DNAH7: variants seen among roughly 807,000 people sequenced by gnomAD.
The protein encoded by DNAH7 is axonemal beta dynein heavy chain 7.
A neutral mutation model predicts 444.6 loss-of-function variants in DNAH7; 397 were observed. That is an observed-to-expected ratio of 0.89 (90% CI 0.82 to 0.97). DNAH7 has a LOEUF of 0.97. Ranked by LOEUF, DNAH7 falls within the 50% of genes least tolerant of loss-of-function variation. The probability of loss-of-function intolerance (pLI) is 0.00; values close to 1 mark genes in which losing one functional copy is unlikely to be tolerated. For synonymous variants in DNAH7, 1,636 were observed against 1,624.4 expected (o/e 1.01, Z -0.17); for missense variants, 4,902 against 4,800.8 (o/e 1.02, Z -0.62).
intron 47 of DNAH7, among the ~76,000 whole-genome samples, chr2:195,841,139 C>T (rs1284182512): frequency 6.6e-6 from 1 of 151,806 alleles, no homozygotes; most frequent in Non-Finnish European, 1.5e-5. Context: ...TGATTTTCAA[C>T]AAAGACGTAA....
intron 19 of DNAH7, among the ~76,000 whole-genome samples, chr2:195,950,174 A>T (rs543858708): frequency 6.6e-6 from 1 of 152,260 alleles, no homozygotes; most frequent in East Asian, 1.9e-4. Context: ...TTTCAAAAGG[A>T]ATGGTGCCAG....
Position 195,872,292 on chromosome 2 carries a change from T to A in DNAH7, c.6591A>T (p.Thr2197=). 1 of 1,613,938 alleles carries A rather than the reference T, an allele frequency of 6.2e-7. No individual in the cohort carries two copies. The highest frequency in any genetic ancestry group is 8.5e-7 in the Non-Finnish European group (1 of 1,179,918). ...GTTTAATCACTTCTGTGGTTTCTGT[T>A]GTTTCTGGTCTTGACAAACAAACAC... is the stretch of plus-strand genomic sequence containing the variant. The part of the protein sequence containing the change: ...IQGVCLSRPE[T]TETTEVIKRL... Residue 2197 remains threonine, a synonymous_variant, in exon 40 of 65, where the codon ACA becomes ACT. Transcript: ENST00000312428.
In DNAH7 at chr2:195,864,622, T is replaced by A; in HGVS notation, c.7033A>T (p.Ser2345Cys). Residue 2345 changes from serine (S) to cysteine (C), a missense_variant, in exon 41 of 65, where the codon AGT (serine) becomes TGT (cysteine). By Grantham distance (112) the Ser-to-Cys change is moderately radical. Coordinates refer to ENST00000312428, the MANE Select transcript of DNAH7 (RefSeq NM_018897.3). Reference sequence around the variant, plus strand: ...AATCTGGTGACAGACTGCCTTCCACTCCCTCCAACCCCTACTAGGAGAGCA... The same window carrying A: ...AATCTGGTGACAGACTGCCTTCCACACCCTCCAACCCCTACTAGGAGAGCA... The part of the protein sequence containing the change: ...SHALLVGVGG[S>C]GRQSVTRLAA... The A allele has an allele frequency of 1.9e-6, 3 of 1,614,152 alleles. No individual in the cohort carries two copies. The highest frequency in any genetic ancestry group is 2.5e-6 in the Non-Finnish European group (3 of 1,180,026).
intron 61 of DNAH7, among the ~76,000 whole-genome samples, chr2:195,757,224 A>G (rs1305072934): frequency 6.6e-6 from 1 of 152,228 alleles, no homozygotes; most frequent in Non-Finnish European, 1.5e-5. Flanking sequence ...TTTACTGTCT[A>G]TTAAGTGAAT....
chr2:196,048,970 G>A (rs1357004920), intron 3 of DNAH7, among the ~76,000 whole-genome samples: 1 of 152,208 alleles, frequency 6.6e-6, no homozygotes, highest in Admixed American at 6.5e-5. Flanking sequence ...TGGCAGAGGA[G>A]AGAGCACCTT....
In DNAH7 at chr2:196,022,113, T is replaced by C. The variant is rs556776047; in HGVS notation, c.743+2316A>G. Among the ~76,000 whole-genome samples, 7 of 152,180 alleles carry C rather than the reference T, an allele frequency of 4.6e-5. No homozygotes were observed. In the South Asian group the frequency reaches 1.5e-3, roughly 32 times the overall value. Reference sequence around the variant, plus strand: ...CTGCACTCCAGCCTGGGCAAGAGAGTGAGACCCTGTCTCGGGAAAAAAAAA... The same window carrying C: ...CTGCACTCCAGCCTGGGCAAGAGAGCGAGACCCTGTCTCGGGAAAAAAAAA... On this transcript the variant is annotated intron_variant, in intron 8 of 64. Coordinates refer to ENST00000312428, the MANE Select transcript of DNAH7 (RefSeq NM_018897.3).
chr2:195,981,351 G>A (rs891399027), intron 15 of DNAH7, among the ~76,000 whole-genome samples: 1 of 151,748 alleles, frequency 6.6e-6, no homozygotes, highest in Non-Finnish European at 1.5e-5. Context: ...CCAAAAAAAG[G>A]AAAGATATTC....
Position 195,858,742 on chromosome 2 carries a change from G to A in DNAH7, c.7799C>T (p.Ser2600Phe), listed in dbSNP as rs771401874. The A allele has an allele frequency of 6.2e-7, 1 of 1,613,866 alleles. No homozygotes were observed. The highest frequency in any genetic ancestry group is 1.1e-5 in the South Asian group (1 of 91,050). Residue 2600 changes from serine (S) to phenylalanine (F), a missense_variant, in exon 43 of 65, where the codon TCT becomes TTT. Ser to Phe is a radical substitution (Grantham distance 155). Coordinates refer to ENST00000312428, the MANE Select transcript of DNAH7 (RefSeq NM_018897.3). ...CTCCATCTGCATTGTGGCTACTTGA[G>A]ATGAAGCAGAATCCAGTTTCTCCAA... is the stretch of plus-strand genomic sequence containing the variant. ...VGLEKLDSAS[S>F]QVATMQMELE... is the part of the protein sequence containing the mutation.
chr2:195,948,998 A>G (rs930302018), intron 19 of DNAH7, among the ~76,000 whole-genome samples: 1 of 152,152 alleles, frequency 6.6e-6, no homozygotes, highest in African/African-American at 2.4e-5. Context: ...CTCCTTGAAG[A>G]GGTCCTTCAC....
intron 27 of DNAH7, chr2:195,904,418 G>C (rs900142224): frequency 1.3e-5 from 2 of 152,546 alleles, no homozygotes; most frequent in Non-Finnish European, 1.5e-5. Flanking sequence ...AGAGGCTAGT[G>C]AGGCCCAGTG....
intron 61 of DNAH7, among the ~76,000 whole-genome samples, chr2:195,766,135 T>C (rs1694567114): frequency 6.6e-6 from 1 of 150,756 alleles, no homozygotes; most frequent in South Asian, 2.1e-4. Context: ...AAGGACAAAC[T>C]TTGCATGTTC....
At chr2:195,779,751 AT>A (rs1308571631) in intron 58 of DNAH7, among the ~76,000 whole-genome samples, 3 of 151,944 alleles carry the variant, frequency 2.0e-5, no homozygotes, top group Non-Finnish European at 2.9e-5. Flanking sequence ...GACTACAGAT[AT>A]ATGCCACCAT....
intron 5 of DNAH7, among the ~76,000 whole-genome samples, chr2:196,042,722 T>C (rs1156580888): frequency 6.6e-6 from 1 of 152,076 alleles, no homozygotes. Context: ...GTGGAGAAAC[T>C]AGAAACTTCT....
chr2:195,747,787 C>G (rs1098944), intron 63 of DNAH7, among the ~76,000 whole-genome samples: 39,858 of 151,162 alleles, frequency 0.26, 5,371 homozygotes, highest in Middle Eastern at 0.41. Flanking sequence ...ATTCAACAAC[C>G]CTTCATGCTA....
intron 5 of DNAH7, among the ~76,000 whole-genome samples, chr2:196,038,970 A>G (rs943497763): frequency 2.0e-5 from 3 of 152,214 alleles, no homozygotes; most frequent in Non-Finnish European, 4.4e-5. Context: ...TGGACAGATC[A>G]TCTAGACAGT....
chr2:195,888,931 C>T lies in DNAH7; in HGVS notation c.5097G>A (p.Trp1699Ter), dbSNP rs764156881. 2 of 1,613,954 alleles carry T rather than the reference C, an allele frequency of 1.2e-6. No individual in the cohort carries two copies. The change falls in exon 32 of 65, where the codon TGG (tryptophan) becomes TGA (stop). Residue 1699 changes from tryptophan to a stop codon, truncating the protein, a stop_gained. Transcript: ENST00000312428. LOFTEE classifies it high-confidence loss of function. Reference sequence around the variant, plus strand: ...CCAGCACAGTGTTCATATTCTCAATCCACACTGCATCTACTGGGCCATCAA... The same window carrying T: ...CCAGCACAGTGTTCATATTCTCAATTCACACTGCATCTACTGGGCCATCAA... Reference protein sequence around the residue: ...LIFDGPVDAVWIENMNTVLDD... With the variant: ...LIFDGPVDAV
In DNAH7 at chr2:196,043,159, TAA is replaced by T. The variant is rs564401246; in HGVS notation, c.398+4191_398+4192del. Among the ~76,000 whole-genome samples the T allele has an allele frequency of 7.9e-3, 1,196 of 152,134 alleles. 53 individuals carry two copies. Among genetic ancestry groups the T allele is most frequent in the Admixed American group, 0.067 (1,020 of 15,262 alleles). ...AGGTTGTGCAACTACAAAAATTTGC[TAA>T]AACTCACTACGTTTTACATTTAACA... On this transcript the variant is annotated intron_variant, in intron 5 of 64. Coordinates refer to ENST00000312428, the MANE Select transcript of DNAH7 (RefSeq NM_018897.3).
intron 27 of DNAH7, chr2:195,902,509 A>G (rs902977041): frequency 1.1e-4 from 17 of 152,102 alleles, no homozygotes; most frequent in African/African-American, 3.9e-4. Context: ...CAGCCAGTCA[A>G]TGGGGTTAGG....
intron 5 of DNAH7, among the ~76,000 whole-genome samples, chr2:196,028,367 C>T (rs954389098): frequency 1.3e-5 from 2 of 152,132 alleles, no homozygotes; most frequent in African/African-American, 4.8e-5. Flanking sequence ...AACACTCTTG[C>T]ATTATTCCTA....
Sources: gnomAD v4.1 joint callset for allele counts (sites outside exome capture counted in the v4.1 genomes callset) on GRCh38, gnomAD v4.1.1 for gene constraint, MANE v1.5 for transcripts, NCBI Gene and HGNC (gene_info 2026-07-23, HGNC 2026-07-21) for gene names.